PAICS: variants seen among roughly 807,000 people sequenced by gnomAD.
PAICS encodes phosphoribosylaminoimidazole carboxylase and phosphoribosylaminoimidazolesuccinocarboxamide synthase, also known as bifunctional phosphoribosylaminoimidazole carboxylase/phosphoribosylaminoimidazole succinocarboxamide synthetase.
Under a neutral mutation model 53.7 loss-of-function variants are expected in PAICS, and 33 were observed. The ratio of observed to expected loss-of-function variants is 0.61; its 90% CI spans 0.47 to 0.82. The LOEUF is 0.82. PAICS is among the 40% of genes least tolerant of loss of function. The pLI is 0.00. For missense variants in PAICS, 394 were observed against 494.1 expected (o/e 0.80, Z 1.92); for synonymous variants, 141 against 167.2 (o/e 0.84, Z 1.21).
At chr4:56,417,584 T>C in the PAICS span, among the ~76,000 whole-genome samples, 1 of 152,142 alleles carries the variant, frequency 6.6e-6, no homozygotes, top group African/African-American at 2.4e-5. Context: ...AGTTCGAGAC[T>C]AGCCTGGGCA....
intron 8 of PAICS, among the ~76,000 whole-genome samples, chr4:56,458,282 CTTT>C (rs35249885): frequency 1.4e-5 from 2 of 146,758 alleles, no homozygotes; most frequent in Non-Finnish European, 3.0e-5. Context: ...CACTAGATAA[CTTT>C]TTTTTTTTTT....
chr4:56,415,813 A>T, the PAICS span, among the ~76,000 whole-genome samples: 1 of 152,184 alleles, frequency 6.6e-6, no homozygotes, highest in South Asian at 2.1e-4. Context: ...ACAGTGGCTC[A>T]CACCTGTAAT....
chr4:56,459,893 ATTT>A lies in PAICS; in HGVS notation c.*370_*372del, dbSNP rs878904282. ...CCCAGCTATATTTCTCCAGACTTGC[ATTT>A]TTTTTTTTTTTTTTGAGACAGGGTC... On this transcript the variant is annotated 3_prime_UTR_variant, in exon 9 of 9. Coordinates refer to ENST00000512576, the MANE Select transcript of PAICS (RefSeq NM_001079524.2). 83 of 140,140 alleles carry A rather than the reference ATTT, an allele frequency of 5.9e-4. No homozygotes were observed. Among genetic ancestry groups the A allele is most frequent in the Admixed American group, 1.4e-3 (20 of 14,102 alleles). 8.7% of individuals were successfully genotyped at this position (140,140 alleles called of 1,614,324 possible).
In PAICS at chr4:56,462,099, T is replaced by G. The variant is rs1252738671; in HGVS notation, c.*2561T>G. 3 of 152,074 alleles carry G rather than the reference T, an allele frequency of 2.0e-5. No individual in the cohort carries two copies. The highest frequency in any genetic ancestry group is 6.6e-5 in the Admixed American group (1 of 15,266). 9.4% of individuals were successfully genotyped at this position (152,074 alleles called of 1,614,324 possible). Reference sequence around the variant, plus strand: ...ACAAACCATAAAAAGGTAAACAGTATAAAATCAGGAAAGGATAAATGTATA... The same window carrying G: ...ACAAACCATAAAAAGGTAAACAGTAGAAAATCAGGAAAGGATAAATGTATA... On this transcript the variant is annotated 3_prime_UTR_variant, in exon 9 of 9. Transcript: ENST00000512576.
At chr4:56,417,835 G>GTTTTTTTTT in the PAICS span, among the ~76,000 whole-genome samples, 31 of 102,580 alleles carry the variant, frequency 3.0e-4, no homozygotes, top group African/African-American at 1.0e-3. Context: ...TGAAGATTTG[G>GTTTTTTTTT]TTTTTTGTTT....
At chr4:56,430,218 TA>T in the PAICS span, among the ~76,000 whole-genome samples, 3 of 152,240 alleles carry the variant, frequency 2.0e-5, no homozygotes, top group Non-Finnish European at 4.4e-5. Flanking sequence ...TCAATGGACA[TA>T]TGTATGCATT....
chr4:56,427,564 T>C, the PAICS span, among the ~76,000 whole-genome samples: 1 of 151,652 alleles, frequency 6.6e-6, no homozygotes, highest in Non-Finnish European at 1.5e-5. Context: ...GCCAGCTACT[T>C]GGGAGGCTGA....
Position 56,459,720 on chromosome 4 carries a change from C to G in PAICS, c.*182C>G. Reference sequence around the variant, plus strand: ...AGCATCTAACCCCTCCTTTCTTAGGCTAGACACCAAGATATTTCAGCCAGC... The same window carrying G: ...AGCATCTAACCCCTCCTTTCTTAGGGTAGACACCAAGATATTTCAGCCAGC... On this transcript the variant is annotated 3_prime_UTR_variant, in exon 9 of 9. Transcript: ENST00000512576. The G allele has an allele frequency of 2.0e-6, 1 of 508,856 alleles. No individual in the cohort carries two copies. Among genetic ancestry groups the G allele is most frequent in the South Asian group, 3.1e-5 (1 of 32,698 alleles). 31.5% of individuals were successfully genotyped at this position (508,856 alleles called of 1,614,324 possible). A position where few individuals can be genotyped will look rare whatever the true frequency, so the allele number is the denominator to read the frequency against.
At chr4:56,457,674 T>G (rs1719288536) in intron 8 of PAICS, among the ~76,000 whole-genome samples, 1 of 151,342 alleles carries the variant, frequency 6.6e-6, no homozygotes, top group South Asian at 2.1e-4. Flanking sequence ...TTTTTTTTTT[T>G]TTTTTTTTTA....
intron 1 of PAICS, among the ~76,000 whole-genome samples, chr4:56,437,497 A>G (rs572495042): frequency 6.6e-6 from 1 of 152,128 alleles, no homozygotes; most frequent in African/African-American, 2.4e-5. Context: ...TCTTTTCCAC[A>G]TAGAAAGTAA....
chr4:56,423,936 G>A, the PAICS span, among the ~76,000 whole-genome samples: 7 of 152,080 alleles, frequency 4.6e-5, no homozygotes, highest in Admixed American at 2.0e-4. Context: ...GTAATAGAAC[G>A]TAGTATTGAG....
intron 3 of PAICS, among the ~76,000 whole-genome samples, chr4:56,447,123 G>A (rs1718664059): frequency 6.6e-6 from 1 of 151,372 alleles, no homozygotes; most frequent in African/African-American, 2.4e-5. Flanking sequence ...ACAGGAAGAA[G>A]AGAAAAGTAA....
the PAICS span, among the ~76,000 whole-genome samples, chr4:56,430,606 T>C: frequency 6.6e-6 from 1 of 152,044 alleles, no homozygotes; most frequent in Non-Finnish European, 1.5e-5. Flanking sequence ...TTATAACCTT[T>C]TATCTCAAGT....
chr4:56,431,534 AC>A (rs1442336946), upstream of PAICS: 6 of 981,018 alleles, frequency 6.1e-6, no homozygotes, highest in African/African-American at 1.1e-4. Context: ...CAGACAGAAA[AC>A]CCAACTTCAT....
At position 56,461,143 on chromosome 4, in the gene PAICS, T is replaced by C. The variant is rs1248016723; in HGVS notation, c.*1605T>C. ...TGTTCGCTGTCCATGAAACCTTCTGTAACCACAGTGACTACAAGTAGTTCT... is the reference window on the plus strand; with the variant it reads ...TGTTCGCTGTCCATGAAACCTTCTGCAACCACAGTGACTACAAGTAGTTCT... On this transcript the variant is annotated 3_prime_UTR_variant, in exon 9 of 9. Transcript: ENST00000512576. 6.6e-6 allele frequency: 1 copy of C among 152,218 alleles called. No homozygotes were observed. The highest frequency in any genetic ancestry group is 1.5e-5 in the Non-Finnish European group (1 of 68,038). 9.4% of individuals were successfully genotyped at this position (152,218 alleles called of 1,614,324 possible).
Position 56,453,640 on chromosome 4 carries a change from C to T in PAICS, c.990C>T (p.Gly330=). The T allele has an allele frequency of 1.3e-6, 2 of 1,588,046 alleles. No homozygotes were observed. Among genetic ancestry groups the T allele is most frequent in the Non-Finnish European group, 1.7e-6 (2 of 1,166,322 alleles). Residue 330 remains glycine, a synonymous_variant, in exon 8 of 9, where the codon GGC becomes GGT. Transcript: ENST00000512576. The part of the protein sequence containing the change: ...GIPTVFVAVA[G]RSNGLGPVMS... ...CTACTGTATTTGTGGCAGTGGCAGG[C>T]AGAAGTAATGGTTTGGGACCAGTGA...
intron 1 of PAICS, among the ~76,000 whole-genome samples, chr4:56,439,838 T>A (rs1313044744): frequency 6.6e-6 from 1 of 152,146 alleles, no homozygotes; most frequent in Non-Finnish European, 1.5e-5. Context: ...TTGCCCAGGC[T>A]GGTCTTGAAC....
the PAICS span, among the ~76,000 whole-genome samples, chr4:56,413,311 T>G: frequency 6.6e-6 from 1 of 152,128 alleles, no homozygotes; most frequent in African/African-American, 2.4e-5. Flanking sequence ...AACGCCACCA[T>G]GCCCAGCTAG....
At chr4:56,410,524 T>A in the PAICS span, 4 of 986,196 alleles carry the variant, frequency 4.1e-6, no homozygotes, top group Admixed American at 2.5e-4. Flanking sequence ...ACATGGAGAG[T>A]GGAGCAGGAA....
Sources: allele counts gnomAD v4.1 joint callset (sites outside exome capture counted in the v4.1 genomes callset), GRCh38; gene constraint gnomAD v4.1.1; transcripts MANE v1.5; gene names NCBI Gene and HGNC (gene_info 2026-07-23, HGNC 2026-07-21).